The following FPR1 variants were observed in gnomAD, a reference collection of about 807,000 sequenced individuals.
The protein encoded by FPR1 is N-formyl peptide receptor 1.
For missense variants in FPR1, 407 were observed against 453.0 expected (o/e 0.90, Z 0.92); for synonymous variants, 193 against 176.7 (o/e 1.09, Z -0.73).
Position 51,746,750 on chromosome 19 carries a change from A to C in FPR1, c.245T>G (p.Met82Arg). 1 of 1,614,188 alleles carries C rather than the reference A, an allele frequency of 6.2e-7. No homozygotes were observed. The highest frequency in any genetic ancestry group is 8.5e-7 in the Non-Finnish European group (1 of 1,180,034). The part of the protein sequence containing the change: ...FCFTSTLPFF[M>R]VRKAMGGHWP... ...ATGTCCTCCCATGGCCTTCCTGACC[A>C]TGAAGAATGGCAAAGTGGAGGTGAA... The change falls in exon 2 of 2, where the codon ATG becomes AGG. Residue 82 changes from methionine to arginine, a missense_variant. Physicochemically the swap from Met to Arg is moderately conservative, Grantham distance 91 (BLOSUM62 -1). Coordinates refer to ENST00000304748, the MANE Select transcript of FPR1 (RefSeq NM_002029.4). This position sits in a 1 kb window ranked among gnomAD's most constrained non-coding sequence, Gnocchi z 4.3.
intron 1 of FPR1, chr19:51,750,670 T>C (rs2122332219): frequency 6.6e-6 from 1 of 152,348 alleles, no homozygotes; most frequent in Admixed American, 6.5e-5. Flanking sequence ...GAGGAAAACC[T>C]GTGCAATTTT....
intron 1 of FPR1, among the ~76,000 whole-genome samples, chr19:51,751,099 C>A (rs867447811): frequency 8.5e-5 from 13 of 152,282 alleles, no homozygotes; most frequent in Middle Eastern, 6.8e-3. Flanking sequence ...CCTTTCCCAT[C>A]CCGACTCAAG....
chr19:51,746,610 G>T lies in FPR1; in HGVS notation c.385C>A (p.His129Asn). The change falls in exon 2 of 2, where the codon CAT (histidine) becomes AAT (asparagine). Residue 129 changes from histidine (H) to asparagine (N), a missense_variant. By Grantham distance (68) the His-to-Asn change is moderately conservative (BLOSUM62 1). Transcript: ENST00000304748. The surrounding 1 kb of genome is among the most constrained non-coding windows in gnomAD (Gnocchi z 4.3). ...IALDRCVCVL[H>N]PVWTQNHRTV... is the part of the protein sequence containing the mutation. Reference sequence around the variant, plus strand: ...CGGTGGTTCTGGGTCCAGACTGGATGCAGGACGCAAACACAGCGGTCCAGA... The same window carrying T: ...CGGTGGTTCTGGGTCCAGACTGGATTCAGGACGCAAACACAGCGGTCCAGA... The T allele has an allele frequency of 6.2e-7, 1 of 1,614,186 alleles. No individual in the cohort carries two copies. Among genetic ancestry groups the T allele is most frequent in the Non-Finnish European group, 8.5e-7 (1 of 1,180,042 alleles).
chr19:51,750,998 G>A (rs1487703935), intron 1 of FPR1, among the ~76,000 whole-genome samples: 1 of 152,142 alleles, frequency 6.6e-6, no homozygotes, highest in Non-Finnish European at 1.5e-5. Context: ...TCCGAAAGGT[G>A]ACTGCTTCTG....
chr19:51,747,813 T>G (rs544805121), intron 1 of FPR1, among the ~76,000 whole-genome samples: 158 of 152,262 alleles, frequency 1.0e-3, no homozygotes, highest in African/African-American at 3.6e-3. Flanking sequence ...TGATATATGC[T>G]ACAACGTGGC....
Position 51,745,833 on chromosome 19 carries a change from C to A in FPR1, c.*109G>T, listed in dbSNP as rs879151756. On this transcript the variant is annotated 3_prime_UTR_variant, in exon 2 of 2. Coordinates refer to ENST00000304748, the MANE Select transcript of FPR1 (RefSeq NM_002029.4). The stretch of plus-strand genomic sequence containing the variant: ...GACACAAAGGCTTTTTTTTTTTTTT[C>A]TGATGAGTGGGTAATCCTAAAATAA... 6.5e-5 allele frequency: 39 copies of A among 603,964 alleles called. No homozygotes were observed. The highest frequency in any genetic ancestry group is 8.1e-5 in the Non-Finnish European group (31 of 383,500). 37.4% of individuals were successfully genotyped at this position (603,964 alleles called of 1,614,324 possible).
intron 1 of FPR1, among the ~76,000 whole-genome samples, chr19:51,749,659 T>C (rs1443905761): frequency 6.6e-6 from 1 of 151,910 alleles, no homozygotes; most frequent in African/African-American, 2.4e-5. Context: ...ATTTATTTTA[T>C]TTTATTTATT....
In FPR1 at chr19:51,746,524, T is replaced by G; in HGVS notation, c.471A>C (p.Thr157=). The G allele has an allele frequency of 6.2e-7, 1 of 1,614,144 alleles. No individual in the cohort carries two copies. Among genetic ancestry groups the G allele is most frequent in the Non-Finnish European group, 8.5e-7 (1 of 1,180,026 alleles). ...IGPWVMALLL[T]LPVIIRVTTV... The stretch of plus-strand genomic sequence containing the variant: ...TAGTCACACGAATGATAACTGGCAA[T>G]GTGAGGAGCAGAGCCATCACCCAGG... Residue 157 remains threonine (T), a synonymous_variant, in exon 2 of 2, where the codon ACA becomes ACC. Transcript: ENST00000304748. This position sits in a 1 kb window ranked among gnomAD's most constrained non-coding sequence, Gnocchi z 4.3.
chr19:51,745,859 G>A lies in FPR1; in HGVS notation c.*83C>T. ...TGATGAGTGGGTAATCCTAAAATAA[G>A]CAGGAAATGCCTGTGGCTCAGCCTA... On this transcript the variant is annotated 3_prime_UTR_variant, in exon 2 of 2. Coordinates refer to ENST00000304748, the MANE Select transcript of FPR1 (RefSeq NM_002029.4). 3 of 1,108,894 alleles carry A rather than the reference G, an allele frequency of 2.7e-6. No homozygotes were observed. Among genetic ancestry groups the A allele is most frequent in the Non-Finnish European group, 2.6e-6 (2 of 763,466 alleles). 68.7% of individuals were successfully genotyped at this position (1,108,894 alleles called of 1,614,324 possible).
In FPR1 at chr19:51,746,879, A is replaced by C. The variant is rs1362480785; in HGVS notation, c.116T>G (p.Leu39Arg). The C allele has an allele frequency of 6.2e-7, 1 of 1,614,128 alleles. No homozygotes were observed. The change falls in exon 2 of 2, where the codon CTC becomes CGC. Residue 39 changes from leucine to arginine, a missense_variant. Transcript: ENST00000304748. The surrounding 1 kb of genome is among the most constrained non-coding windows in gnomAD (Gnocchi z 4.3). ...TYLVFAVTFV[L>R]GVLGNGLVIW... ...CACAAGCCCGTTGCCCAGGACCCCG[A>C]GGACAAAGGTGACTGCAAATACCAG... is the stretch of plus-strand genomic sequence containing the variant.
intron 1 of FPR1, among the ~76,000 whole-genome samples, chr19:51,749,739 G>T (rs1376420609): frequency 6.6e-6 from 1 of 151,922 alleles, no homozygotes; most frequent in Non-Finnish European, 1.5e-5. Context: ...TGAGCTCACT[G>T]CAACCTCCGC....
chr19:51,746,129 A>G lies in FPR1; in HGVS notation c.866T>C (p.Leu289Pro). The change falls in exon 2 of 2, where the codon CTG (leucine) becomes CCG (proline). Residue 289 changes from leucine (L) to proline (P), a missense_variant. Coordinates refer to ENST00000304748, the MANE Select transcript of FPR1 (RefSeq NM_002029.4). The surrounding 1 kb of genome is among the most constrained non-coding windows in gnomAD (Gnocchi z 4.3). ...IGIAVDVTSA[L>P]AFFNSCLNPM... is the part of the protein sequence containing the mutation. ...GTTGAGGCAGCTGTTGAAGAAGGCC[A>G]GGGCACTTGTCACATCCACTGCAAT... The G allele has an allele frequency of 1.2e-6, 2 of 1,614,232 alleles. No homozygotes were observed. The highest frequency in any genetic ancestry group is 1.7e-6 in the Non-Finnish European group (2 of 1,180,040).
chr19:51,749,688 G>GTC (rs1001909024), intron 1 of FPR1, among the ~76,000 whole-genome samples: 1 of 151,802 alleles, frequency 6.6e-6, no homozygotes, highest in African/African-American at 2.4e-5. Context: ...TTGAGATGGA[G>GTC]TCTCTCTCTA....
At position 51,746,558 on chromosome 19, in the gene FPR1, A is replaced by T. The variant is rs923151832; in HGVS notation, c.437T>A (p.Ile146Asn). The T allele has an allele frequency of 9.3e-6, 15 of 1,614,124 alleles. No homozygotes were observed. The highest frequency in any genetic ancestry group is 1.3e-5 in the Non-Finnish European group (15 of 1,180,014). The change falls in exon 2 of 2, where the codon ATC (isoleucine) becomes AAC (asparagine). Residue 146 changes from isoleucine to asparagine, a missense_variant. Physicochemically the swap from Ile to Asn is moderately radical, Grantham distance 149. Transcript: ENST00000304748. This position sits in a 1 kb window ranked among gnomAD's most constrained non-coding sequence, Gnocchi z 4.3. ...CAGAGCCATCACCCAGGGCCCAATG[A>T]TCACCTTCTTGGCCAGGCTCACGGT... ...HRTVSLAKKVIIGPWVMALLL... is the reference protein window; with the variant it reads ...HRTVSLAKKVNIGPWVMALLL...
intron 1 of FPR1, among the ~76,000 whole-genome samples, chr19:51,749,291 C>G (rs945367896): frequency 1.3e-5 from 2 of 152,146 alleles, no homozygotes; most frequent in African/African-American, 4.8e-5. Context: ...TGAAATCTCC[C>G]TTTCCTCTCT....
intron 1 of FPR1, among the ~76,000 whole-genome samples, chr19:51,748,190 G>GGAAGGAAGGAGA (rs1446347844): frequency 1.3e-5 from 2 of 151,600 alleles, no homozygotes; most frequent in Non-Finnish European, 2.9e-5. Context: ...GAAAGAAGGA[G>GGAAGGAAGGAGA]GAAGGAAGGA....
Position 51,751,827 on chromosome 19 carries a change from C to T in FPR1, c.-25G>A, listed in dbSNP as rs953471166. The T allele has an allele frequency of 5.2e-5, 8 of 152,390 alleles. No individual in the cohort carries two copies. Among genetic ancestry groups the T allele is most frequent in the African/African-American group, 1.9e-4 (8 of 41,548 alleles). The allele number at this position is 152,390 out of a possible 1,614,324, so 9.4% of individuals were successfully genotyped here. ...TATGTTTCTTACCTGGACTGTTCAC[C>T]AGCTGTGGTCTTGCTCTGGGTAGTT... On this transcript the variant is annotated 5_prime_UTR_variant, in exon 1 of 2. Coordinates refer to ENST00000304748, the MANE Select transcript of FPR1 (RefSeq NM_002029.4).
downstream of FPR1, chr19:51,745,384 G>A (rs2083736149): frequency 6.5e-6 from 1 of 152,844 alleles, no homozygotes; most frequent in Non-Finnish European, 1.5e-5. Context: ...TCGAATTCCT[G>A]ACCCCTGGTG....
intron 1 of FPR1, among the ~76,000 whole-genome samples, chr19:51,747,466 C>T (rs2083755743): frequency 6.6e-6 from 1 of 152,262 alleles, no homozygotes; most frequent in African/African-American, 2.4e-5. Context: ...GATCCACCCA[C>T]CTCAGCCTCC....
Sources: allele counts gnomAD v4.1 joint callset (sites outside exome capture counted in the v4.1 genomes callset), GRCh38; gene constraint gnomAD v4.1.1; non-coding constraint Gnocchi (gnomAD v3.1); transcripts MANE v1.5; gene names NCBI Gene and HGNC (gene_info 2026-07-23, HGNC 2026-07-21).